The following UNC5C variants were observed in gnomAD, a reference collection of about 807,000 sequenced individuals.
UNC5C encodes netrin receptor UNC5C.
In UNC5C, 47 loss-of-function variants were observed where a neutral mutation model predicts 99.8. The observed-to-expected ratio is 0.47, with a 90% CI of 0.37 to 0.60. The LOEUF (loss-of-function observed/expected upper bound fraction) is 0.60, where lower values mean the gene tolerates loss of function less well. Among genes scored for constraint, UNC5C ranks in the 20% least tolerant of loss-of-function variants. UNC5C has a pLI of 0.00. For synonymous variants in UNC5C, 487 were observed against 452.2 expected, an observed-to-expected ratio of 1.08 and a Z score of -0.98; for missense variants, 1,062 against 1,165.9, an observed-to-expected ratio of 0.91 and a Z score of 1.30.
rs148308943 is a variant in UNC5C at position 95,313,834 on chromosome 4, C to A, written c.347-12085G>T. Among the ~76,000 whole-genome samples the A allele has an allele frequency of 3.1e-3, 473 of 152,296 alleles. 4 individuals carry two copies. Among genetic ancestry groups the A allele is most frequent in the African/African-American group, 0.011 (456 of 41,574 alleles). Reference sequence around the variant, plus strand: ...GCAACTAGGTGACTGAAAACATATTCATCTAACACAAAACAACCTAGTGAT... The same window carrying A: ...GCAACTAGGTGACTGAAAACATATTAATCTAACACAAAACAACCTAGTGAT... On this transcript the variant is annotated intron_variant, in intron 2 of 15. Coordinates refer to ENST00000453304, the MANE Select transcript of UNC5C (RefSeq NM_003728.4).
At chr4:95,301,358 G>A (rs1741868462) in intron 3 of UNC5C, among the ~76,000 whole-genome samples, 1 of 152,028 alleles carries the variant, frequency 6.6e-6, no homozygotes. Flanking sequence ...ACCATGCCCG[G>A]CTAATTTTTT....
chr4:95,445,118 G>A (rs540670718), intron 1 of UNC5C, among the ~76,000 whole-genome samples: 1 of 152,046 alleles, frequency 6.6e-6, no homozygotes, highest in Admixed American at 6.5e-5. Context: ...GTTGCCTTTT[G>A]CTTTTCTATT....
chr4:95,484,434 A>G (rs1169698701), intron 1 of UNC5C, among the ~76,000 whole-genome samples: 1 of 151,776 alleles, frequency 6.6e-6, no homozygotes, highest in Admixed American at 6.6e-5. Flanking sequence ...ACGAGCAGGT[A>G]TGCTTCCCAA....
intron 1 of UNC5C, among the ~76,000 whole-genome samples, chr4:95,514,762 T>C (rs924770444): frequency 6.6e-6 from 1 of 151,858 alleles, no homozygotes; most frequent in Non-Finnish European, 1.5e-5. Context: ...AACCTCTGCC[T>C]CCTGGGTTCA....
intron 12 of UNC5C, among the ~76,000 whole-genome samples, chr4:95,196,856 TTA>T (rs368026266): frequency 0.69 from 1,470 of 2,136 alleles, 438 homozygotes; most frequent in Admixed American, 0.85. Flanking sequence ...TAATATATAT[TTA>T]TATATTATAT....
intron 1 of UNC5C, among the ~76,000 whole-genome samples, chr4:95,537,727 T>C (rs1341180910): frequency 6.6e-6 from 1 of 152,202 alleles, no homozygotes; most frequent in Non-Finnish European, 1.5e-5. Context: ...TGCATCATAC[T>C]ACTTTCAAAA....
chr4:95,460,485 C>A (rs936718606), intron 1 of UNC5C, among the ~76,000 whole-genome samples: 2 of 152,010 alleles, frequency 1.3e-5, no homozygotes, highest in Admixed American at 6.6e-5. Flanking sequence ...ATACTGGGGG[C>A]GGTTTCCCCC....
At chr4:95,241,124 T>G (rs1579259461) in intron 7 of UNC5C, among the ~76,000 whole-genome samples, 1 of 152,238 alleles carries the variant, frequency 6.6e-6, no homozygotes, top group African/African-American at 2.4e-5. Flanking sequence ...CTAACTTGTA[T>G]GTGGTATGTT....
intron 1 of UNC5C, among the ~76,000 whole-genome samples, chr4:95,454,416 G>T (rs1444434893): frequency 6.6e-6 from 1 of 152,084 alleles, no homozygotes; most frequent in African/African-American, 2.4e-5. Flanking sequence ...TAATGTCTTT[G>T]AGATAGTTTT....
chr4:95,202,843 G>T lies in UNC5C; in HGVS notation c.2024C>A (p.Thr675Asn), dbSNP rs374566244. 2 of 1,614,136 alleles carry T rather than the reference G, an allele frequency of 1.2e-6. No individual in the cohort carries two copies. Among genetic ancestry groups the T allele is most frequent in the Non-Finnish European group, 1.7e-6 (2 of 1,179,956 alleles). ...CTTGAGGCGCTTCGCAGCCGCTTTGGTGGTGGAATGTCCTACCAGGGCGTA... is the reference window on the plus strand; with the variant it reads ...CTTGAGGCGCTTCGCAGCCGCTTTGTTGGTGGAATGTCCTACCAGGGCGTA... ...STYALVGHST[T>N]KAAAKRLKLA... The change falls in exon 12 of 16, where the codon ACC becomes AAC. Residue 675 changes from threonine to asparagine, a missense_variant. Thr to Asn is a moderately conservative substitution (Grantham distance 65, BLOSUM62 0). Around this residue, in one of 3 missense-constraint regions of UNC5C, gnomAD observed 810 missense variants for 854.5 expected, o/e 0.95. Coordinates refer to ENST00000453304, the MANE Select transcript of UNC5C (RefSeq NM_003728.4).
intron 1 of UNC5C, among the ~76,000 whole-genome samples, chr4:95,353,793 A>G (rs1744071649): frequency 6.6e-6 from 1 of 152,148 alleles, no homozygotes; most frequent in African/African-American, 2.4e-5. Flanking sequence ...CGATAAGACC[A>G]TATGGTTTAA....
intron 1 of UNC5C, among the ~76,000 whole-genome samples, chr4:95,446,314 A>T (rs1747104773): frequency 6.6e-6 from 1 of 152,302 alleles, no homozygotes; most frequent in Non-Finnish European, 1.5e-5. Flanking sequence ...AAAAATAGTT[A>T]TCTGACTCGA....
intron 1 of UNC5C, among the ~76,000 whole-genome samples, chr4:95,386,537 AAAGTT>A (rs1745215998): frequency 6.6e-6 from 1 of 152,170 alleles, no homozygotes; most frequent in South Asian, 2.1e-4. Flanking sequence ...ACACAGTTGT[AAAGTT>A]AAGACATGAA....
chr4:95,235,002 C>T (rs1257324979), intron 7 of UNC5C, among the ~76,000 whole-genome samples: 1 of 152,162 alleles, frequency 6.6e-6, no homozygotes, highest in Non-Finnish European at 1.5e-5. Context: ...TGATAGGCAA[C>T]TGGGAAATAA....
chr4:95,448,238 G>GAT (rs1747175432), intron 1 of UNC5C, among the ~76,000 whole-genome samples: 1 of 136,940 alleles, frequency 7.3e-6, no homozygotes, highest in South Asian at 2.3e-4. Context: ...GAGAGAGAGA[G>GAT]AGAGAGAGAG....
chr4:95,500,925 G>T (rs563776408), intron 1 of UNC5C, among the ~76,000 whole-genome samples: 1 of 152,148 alleles, frequency 6.6e-6, no homozygotes, highest in South Asian at 2.1e-4. Flanking sequence ...ACATGGAAAA[G>T]AAATGTTACA....
intron 4 of UNC5C, among the ~76,000 whole-genome samples, chr4:95,260,615 A>G (rs993026946): frequency 3.3e-5 from 5 of 152,224 alleles, no homozygotes; most frequent in African/African-American, 1.2e-4. Flanking sequence ...ATTATGGGAC[A>G]CATTCTGTGT....
At chr4:95,395,894 T>C (rs1409825667) in intron 1 of UNC5C, among the ~76,000 whole-genome samples, 2 of 152,184 alleles carry the variant, frequency 1.3e-5, no homozygotes, top group Non-Finnish European at 2.9e-5. Flanking sequence ...CACAAGCCCA[T>C]GAAGACTGGC....
chr4:95,386,853 A>G (rs1745225607), intron 1 of UNC5C, among the ~76,000 whole-genome samples: 3 of 152,052 alleles, frequency 2.0e-5, no homozygotes, highest in Admixed American at 2.0e-4. Context: ...TTTTTTCTCC[A>G]TGAAGATCTT....
Sources: gnomAD v4.1 joint callset for allele counts (sites outside exome capture counted in the v4.1 genomes callset) on GRCh38, gnomAD v4.1.1 for gene constraint, gnomAD v4.1.1 regional missense constraint, MANE v1.5 for transcripts, NCBI Gene and HGNC (gene_info 2026-07-23, HGNC 2026-07-21) for gene names.